The following TMEM108 variants were observed in gnomAD, a reference collection of about 807,000 sequenced individuals.
The protein encoded by TMEM108 is cancer/testis antigen 124.
Under a neutral mutation model 35.1 loss-of-function variants are expected in TMEM108, and 12 were observed. That is an observed-to-expected ratio of 0.34 (90% CI 0.22 to 0.55). The LOEUF is 0.55. TMEM108 is among the 20% of genes least tolerant of loss of function. The probability of loss-of-function intolerance (pLI) is 0.89; values close to 1 mark genes in which losing one functional copy is unlikely to be tolerated. For synonymous variants in TMEM108, 287 were observed against 308.6 expected (o/e 0.93, Z 0.73); for missense variants, 680 against 753.3 (o/e 0.90, Z 1.14).
intron 2 of TMEM108, among the ~76,000 whole-genome samples, chr3:133,198,162 T>C (rs1345664202): frequency 6.6e-6 from 1 of 152,154 alleles, no homozygotes; most frequent in East Asian, 1.9e-4. Flanking sequence ...GATGAATTAT[T>C]TATGAAGAAT....
intron 2 of TMEM108, among the ~76,000 whole-genome samples, chr3:133,155,128 AT>A (rs1383368285): frequency 1.1e-4 from 17 of 152,012 alleles, no homozygotes; most frequent in Non-Finnish European, 2.2e-4. Flanking sequence ...CTGATCTTGC[AT>A]TCGTTTGGTA....
At chr3:133,072,236 A>T (rs1464713067) in intron 2 of TMEM108, among the ~76,000 whole-genome samples, 3 of 152,182 alleles carry the variant, frequency 2.0e-5, no homozygotes, top group Non-Finnish European at 1.5e-5. Context: ...AGATATTCAC[A>T]CAACAGTGAG....
intron 3 of TMEM108, among the ~76,000 whole-genome samples, chr3:133,283,054 C>A (rs1236112418): frequency 6.6e-6 from 1 of 152,172 alleles, no homozygotes; most frequent in Admixed American, 6.5e-5. Context: ...TTACTCTGGG[C>A]AGCAGAGTAG....
At chr3:133,190,296 C>G (rs1945479969) in intron 2 of TMEM108, among the ~76,000 whole-genome samples, 1 of 152,066 alleles carries the variant, frequency 6.6e-6, no homozygotes, top group South Asian at 2.1e-4. Flanking sequence ...TATGGCAATC[C>G]TGATTTTATT....
At chr3:133,387,638 C>A in intron 4 of TMEM108, 2 of 768,294 alleles carry the variant, frequency 2.6e-6, no homozygotes, top group Non-Finnish European at 3.2e-6. Context: ...CATGCCCCAC[C>A]TTCTAGAATA....
At position 133,161,833 on chromosome 3, in the gene TMEM108, T is replaced by A. The variant is rs1055435232; in HGVS notation, c.-46-67433T>A. 3.9e-5 allele frequency among the ~76,000 whole-genome samples: 6 copies of A among 152,144 alleles called. No homozygotes were observed. In the South Asian group the frequency reaches 1.2e-3, roughly 32 times the overall value. On this transcript the variant is annotated intron_variant, in intron 2 of 5. Transcript: ENST00000321871. ...CAGCTCTGCCAACTGTGTCTTTCTG[T>A]CTGTTTGCCAACCCCCAACCAAAGA...
Position 133,396,962 on chromosome 3 carries a change from A to C in TMEM108, c.*976A>C, listed in dbSNP as rs1243547632. 1 of 152,202 alleles carries C rather than the reference A, an allele frequency of 6.6e-6. No homozygotes were observed. Among genetic ancestry groups the C allele is most frequent in the Non-Finnish European group, 1.5e-5 (1 of 68,042 alleles). 9.4% of individuals were successfully genotyped at this position (152,202 alleles called of 1,614,324 possible). A position where few individuals can be genotyped will look rare whatever the true frequency, so the allele number is the denominator to read the frequency against. Reference sequence around the variant, plus strand: ...ACCTTCCTCCTGCAATCTTTAAAAAAGAAAAAAAAGATTGCCCAAACAAAT... The same window carrying C: ...ACCTTCCTCCTGCAATCTTTAAAAACGAAAAAAAAGATTGCCCAAACAAAT... On this transcript the variant is annotated 3_prime_UTR_variant, in exon 6 of 6. Coordinates refer to ENST00000321871, the MANE Select transcript of TMEM108 (RefSeq NM_023943.4).
intron 2 of TMEM108, among the ~76,000 whole-genome samples, chr3:133,106,276 C>A (rs920439616): frequency 6.0e-5 from 8 of 134,368 alleles, no homozygotes; most frequent in African/African-American, 1.7e-4. Context: ...TACTGGATTT[C>A]ACTTAGTACT....
intron 2 of TMEM108, among the ~76,000 whole-genome samples, chr3:133,158,375 G>A (rs1372299835): frequency 2.0e-5 from 3 of 148,780 alleles, no homozygotes; most frequent in Non-Finnish European, 3.0e-5. Flanking sequence ...GGCTGAGGCA[G>A]GAGAATCACT....
At chr3:133,379,066 C>A (rs1436450482) in intron 3 of TMEM108, among the ~76,000 whole-genome samples, 1 of 152,170 alleles carries the variant, frequency 6.6e-6, no homozygotes, top group Non-Finnish European at 1.5e-5. Flanking sequence ...ACTGAGACAT[C>A]TTTGTCTTAT....
At chr3:133,148,393 T>G (rs1944751835) in intron 2 of TMEM108, among the ~76,000 whole-genome samples, 1 of 152,174 alleles carries the variant, frequency 6.6e-6, no homozygotes, top group Non-Finnish European at 1.5e-5. Context: ...ATGTACAGGA[T>G]AACTGAGGAG....
At chr3:133,218,428 T>A (rs1461521659) in intron 2 of TMEM108, among the ~76,000 whole-genome samples, 1 of 151,982 alleles carries the variant, frequency 6.6e-6, no homozygotes, top group Non-Finnish European at 1.5e-5. Context: ...GCTAGGACTC[T>A]AGTACTATAT....
intron 3 of TMEM108, among the ~76,000 whole-genome samples, chr3:133,313,348 C>A (rs1282311689): frequency 3.9e-5 from 6 of 152,046 alleles, no homozygotes; most frequent in African/African-American, 1.4e-4. Context: ...CAGTTGCCCA[C>A]CACCACGCCT....
At chr3:133,085,461 T>C (rs1375069685) in intron 2 of TMEM108, among the ~76,000 whole-genome samples, 1 of 152,216 alleles carries the variant, frequency 6.6e-6, no homozygotes, top group Non-Finnish European at 1.5e-5. Context: ...AATCAGAGGC[T>C]ACAGCAAGAG....
chr3:133,181,008 T>TTTAAAA (rs1342312044), intron 2 of TMEM108, among the ~76,000 whole-genome samples: 1 of 75,866 alleles, frequency 1.3e-5, no homozygotes, highest in Non-Finnish European at 2.5e-5. Flanking sequence ...GCAGTTGTGT[T>TTTAAAA]AAAAAAAAAA....
chr3:133,332,555 G>T (rs973282212), intron 3 of TMEM108, among the ~76,000 whole-genome samples: 1 of 152,176 alleles, frequency 6.6e-6, no homozygotes, highest in Non-Finnish European at 1.5e-5. Flanking sequence ...TAGGCAGGTA[G>T]GTAAAATAGT....
intron 3 of TMEM108, among the ~76,000 whole-genome samples, chr3:133,295,522 C>G (rs1947132883): frequency 6.6e-6 from 1 of 152,188 alleles, no homozygotes; most frequent in African/African-American, 2.4e-5. Flanking sequence ...AGCCCCTTGT[C>G]AGGTTGAGTT....
At chr3:133,384,432 G>A (rs2073094775) in intron 4 of TMEM108, among the ~76,000 whole-genome samples, 1 of 122,710 alleles carries the variant, frequency 8.1e-6, no homozygotes, top group South Asian at 2.9e-4. Flanking sequence ...GAGGGAGGGT[G>A]TCCGTTCACC....
intron 3 of TMEM108, among the ~76,000 whole-genome samples, chr3:133,348,954 G>A (rs62279046): frequency 0.064 from 9,702 of 152,044 alleles, 412 homozygotes; most frequent in Middle Eastern, 0.13. Flanking sequence ...ATCAAAGGCA[G>A]ACAAACTATT....
Sources: allele counts gnomAD v4.1 joint callset (sites outside exome capture counted in the v4.1 genomes callset), GRCh38; gene constraint gnomAD v4.1.1; transcripts MANE v1.5; gene names NCBI Gene and HGNC (gene_info 2026-07-23, HGNC 2026-07-21).